Variants in ASL observed in about 807,000 individuals in gnomAD.
The protein encoded by ASL is argininosuccinate lyase.
ASL carries 51 observed loss-of-function variants against 69.1 expected under a neutral mutation model. The ratio of observed to expected loss-of-function variants is 0.74; its 90% CI spans 0.59 to 0.93. ASL has a LOEUF of 0.93. Among genes scored for constraint, ASL ranks in the 40% least tolerant of loss-of-function variants. ASL has a pLI of 0.00. For synonymous variants in ASL, 241 were observed against 247.6 expected, an observed-to-expected ratio of 0.97 and a Z score of 0.25; for missense variants, 540 against 623.9, an observed-to-expected ratio of 0.87 and a Z score of 1.43.
rs1786556731 is a variant in ASL at position 66,083,062 on chromosome 7, C to T, written c.349-15C>T. The T allele has an allele frequency of 1.9e-6, 3 of 1,613,850 alleles. No homozygotes were observed. The highest frequency in any genetic ancestry group is 2.2e-5 in the South Asian group (2 of 91,086). The stretch of plus-strand genomic sequence containing the variant: ...ACACATCGGCCTCCCTGAGCACCAT[C>T]TCCTCCTTGCACAGGTGGTCACAGA... On this transcript the variant is annotated splice_polypyrimidine_tract_variant and intron_variant, in intron 5 of 16. Transcript: ENST00000304874.
chr7:66,088,733 C>G (rs1401289106), intron 10 of ASL, 74 bp from the exon 11 acceptor site: 1 of 1,333,274 alleles, frequency 7.5e-7, no homozygotes, highest in African/African-American at 1.4e-5. Flanking sequence ...ACCGCCTAAC[C>G]TCCTCCTGCC....
chr7:66,088,451 A>T (rs1001225401), intron 10 of ASL, among the ~76,000 whole-genome samples: 2 of 152,218 alleles, frequency 1.3e-5, no homozygotes, highest in Non-Finnish European at 2.9e-5. Context: ...ACTGTACTCC[A>T]GCCTGTGCAT....
chr7:66,076,981 C>A lies in ASL; in HGVS notation c.12+888C>A, dbSNP rs544823968. On this transcript the variant is annotated intron_variant, in intron 2 of 16. Transcript: ENST00000304874. Reference sequence around the variant, plus strand: ...TCTGGGTCATGGCAGGGGGGTAGGGCCTGGACTTTGGAGCCAAACAGACTT... The same window carrying A: ...TCTGGGTCATGGCAGGGGGGTAGGGACTGGACTTTGGAGCCAAACAGACTT... Among the ~76,000 whole-genome samples, 4 of 152,284 alleles carry A rather than the reference C, an allele frequency of 2.6e-5. No homozygotes were observed. In the South Asian group the frequency reaches 8.3e-4, roughly 32 times the overall value.
Position 66,090,228 on chromosome 7 carries a change from A to C in ASL, c.1062+533A>C, listed in dbSNP as rs1053055709. On this transcript the variant is annotated intron_variant, in intron 14 of 16. Transcript: ENST00000304874. ...ACTCCAGCCTGGACCACAGAGTAAA[A>C]CTCCATCTACAAATATATAAATTAA... 1.3e-4 allele frequency among the ~76,000 whole-genome samples: 20 copies of C among 151,984 alleles called. 1 individual carries two copies. Among genetic ancestry groups the C allele is most frequent in the Non-Finnish European group, 2.5e-4 (17 of 67,988 alleles).
rs944626973 is a variant in ASL at position 66,087,667 on chromosome 7, T to C, written c.656-62T>C. ...CAGGGGAGGGGGCTGGGCAACCTAG[T>C]TGGGGGAGAGGGGGCCACTCCCTGT... On this transcript the variant is annotated intron_variant, in intron 9 of 16. Coordinates refer to ENST00000304874, the MANE Select transcript of ASL (RefSeq NM_000048.4). The C allele has an allele frequency of 1.4e-5, 23 of 1,598,764 alleles. 1 individual carries two copies. The highest frequency in any genetic ancestry group is 1.2e-4 in the South Asian group (11 of 90,548).
chr7:66,090,870 G>A (rs975254483), intron 14 of ASL, among the ~76,000 whole-genome samples: 7 of 152,132 alleles, frequency 4.6e-5, no homozygotes, highest in Non-Finnish European at 8.8e-5. Flanking sequence ...GACTAAGGTG[G>A]GCAGATCACT....
intron 6 of ASL, 75 bp from the exon 7 acceptor site, chr7:66,086,510 G>C: frequency 6.6e-7 from 1 of 1,515,944 alleles, no homozygotes; most frequent in Non-Finnish European, 9.1e-7. Flanking sequence ...GGTGACCCAG[G>C]CCTGCAGGGT....
At chr7:66,084,410 C>T (rs111468308) in intron 6 of ASL, among the ~76,000 whole-genome samples, 11 of 152,108 alleles carry the variant, frequency 7.2e-5, no homozygotes, top group Middle Eastern at 6.8e-3. Flanking sequence ...GATCTGCCCG[C>T]GTCGGCCTGC....
intron 14 of ASL, 25 bp downstream of exon 14, chr7:66,089,720 C>T: frequency 6.2e-7 from 1 of 1,611,228 alleles, no homozygotes; most frequent in Non-Finnish European, 8.5e-7. Flanking sequence ...CCCTGCTTCT[C>T]CTCCCCTAGG....
In ASL at chr7:66,089,071, G is replaced by T. The variant is rs369194533; in HGVS notation, c.834-20G>T. ...CAGCCAAGGGTCCAGCCCCTTCAGCGCCAGCACCTCTGTCCCCAGCACGGG... is the reference window on the plus strand; with the variant it reads ...CAGCCAAGGGTCCAGCCCCTTCAGCTCCAGCACCTCTGTCCCCAGCACGGG... On this transcript the variant is annotated intron_variant, in intron 11 of 16. Coordinates refer to ENST00000304874, the MANE Select transcript of ASL (RefSeq NM_000048.4). 186 of 1,613,504 alleles carry T rather than the reference G, an allele frequency of 1.2e-4. No homozygotes were observed. Among genetic ancestry groups the T allele is most frequent in the Non-Finnish European group, 1.5e-4 (178 of 1,179,878 alleles).
rs147476814 is a variant in ASL, at chr7:66,090,430, C to G, written c.1062+735C>G. 2.1e-3 allele frequency among the ~76,000 whole-genome samples: 321 copies of G among 152,006 alleles called. 1 individual carries two copies. The highest frequency in any genetic ancestry group is 7.6e-3 in the African/African-American group (314 of 41,470). ...CTGGGACTACAAACATGCGCCACCA[C>G]GCCTGGCTAATTTTTTTATTTTTTG... is the stretch of plus-strand genomic sequence containing the variant. On this transcript the variant is annotated intron_variant, in intron 14 of 16. Coordinates refer to ENST00000304874, the MANE Select transcript of ASL (RefSeq NM_000048.4).
intron 2 of ASL, 34 bp from the exon 3 acceptor site, chr7:66,081,769 A>C: frequency 6.2e-7 from 1 of 1,605,102 alleles, no homozygotes; most frequent in East Asian, 2.2e-5. Context: ...TGGAGGGTGG[A>C]GGAGAGACTA....
chr7:66,080,426 T>A (rs1270229700), intron 2 of ASL, among the ~76,000 whole-genome samples: 1 of 150,098 alleles, frequency 6.7e-6, no homozygotes, highest in Non-Finnish European at 1.5e-5. Context: ...AAGATTTTTT[T>A]AATGAACAAA....
rs1224293881 is a variant in ASL, at chr7:66,082,939, G to A, written c.348+3G>A. On this transcript the variant is annotated splice_donor_region_variant and intron_variant, in intron 5 of 16. Transcript: ENST00000304874. The stretch of plus-strand genomic sequence containing the variant: ...CGGGACGGAGCCGGAATGACCAGGT[G>A]CTTTAGCCCCTCCACCCCCTGCTCC... 1.9e-6 allele frequency: 3 copies of A among 1,613,528 alleles called. No homozygotes were observed. Among genetic ancestry groups the A allele is most frequent in the Non-Finnish European group, 1.7e-6 (2 of 1,179,980 alleles).
intron 15 of ASL, 78 bp from the exon 16 acceptor site, chr7:66,092,479 G>C: frequency 7.9e-7 from 1 of 1,270,438 alleles, no homozygotes; most frequent in Non-Finnish European, 1.1e-6. Flanking sequence ...AAAAAAAAAG[G>C]AAGGGGGTGC....
chr7:66,083,240 G>C (rs566258620), intron 6 of ASL, 66 bp downstream of exon 6: 1 of 1,556,728 alleles, frequency 6.4e-7, no homozygotes, highest in African/African-American at 1.4e-5. Flanking sequence ...AGGAGACCTA[G>C]GGGGCAGGGG....
At chr7:66,087,919 A>G in intron 10 of ASL, 128 bp downstream of exon 10, 1 of 1,245,822 alleles carries the variant, frequency 8.0e-7, no homozygotes, top group Non-Finnish European at 1.2e-6. Flanking sequence ...TGAAGTATAA[A>G]CCTTAAATGG....
chr7:66,076,385 GA>G (rs1193763029), intron 2 of ASL, among the ~76,000 whole-genome samples: 2 of 152,166 alleles, frequency 1.3e-5, no homozygotes, highest in African/African-American at 2.4e-5. Context: ...GCCTGGCCAG[GA>G]AAAGTGGCTC....
intron 6 of ASL, among the ~76,000 whole-genome samples, chr7:66,083,906 G>A (rs948069827): frequency 1.3e-5 from 2 of 152,086 alleles, no homozygotes; most frequent in Non-Finnish European, 2.9e-5. Context: ...TCAGGCTTTG[G>A]CTTCTGGGAC....
Sources: gnomAD v4.1 joint callset for allele counts (sites outside exome capture counted in the v4.1 genomes callset) on GRCh38, gnomAD v4.1.1 for gene constraint, MANE v1.5 for transcripts, NCBI Gene and HGNC (gene_info 2026-07-23, HGNC 2026-07-21) for gene names.